Variants in C2 observed in about 807,000 individuals in gnomAD.
C2 encodes the protein complement C2.
C2 carries 64 observed loss-of-function variants against 85.2 expected under a neutral mutation model. That is an observed-to-expected ratio of 0.75 (90% CI 0.61 to 0.92). The LOEUF (loss-of-function observed/expected upper bound fraction) is 0.92, where lower values mean the gene tolerates loss of function less well. Among genes scored for constraint, C2 ranks in the 40% least tolerant of loss-of-function variants. The probability of loss-of-function intolerance (pLI) is 0.00; values close to 1 mark genes in which losing one functional copy is unlikely to be tolerated. For synonymous variants in C2, 311 were observed against 370.8 expected (o/e 0.84, Z 1.85); for missense variants, 820 against 971.6 (o/e 0.84, Z 2.07).
chr6:31,929,959 C>A (rs1256963646), intron 3 of C2, among the ~76,000 whole-genome samples: 1 of 151,382 alleles, frequency 6.6e-6, no homozygotes, highest in African/African-American at 2.4e-5. Context: ...TTGCAGTGAG[C>A]CGAGATCGTG....
chr6:31,911,930 C>CTTTTTTTT (rs70990289), intron 1 of C2, among the ~76,000 whole-genome samples: 1 of 122,944 alleles, frequency 8.1e-6, no homozygotes, highest in South Asian at 2.7e-4. Flanking sequence ...ATGTCTGGCC[C>CTTTTTTTT]TTTTTTTTTT....
At position 31,928,147 on chromosome 6, in the gene C2, C is replaced by T; in HGVS notation, c.239C>T (p.Ser80Phe). 3.1e-6 allele frequency: 5 copies of T among 1,610,138 alleles called. No individual in the cohort carries two copies. Among genetic ancestry groups the T allele is most frequent in the Non-Finnish European group, 4.2e-6 (5 of 1,179,622 alleles). ...ACCCCAGGAGCCACCCGGTCTCTGT[C>T]TAAGGCGGTCTGCAAACGTGAGGCT... is the stretch of plus-strand genomic sequence containing the variant. ...WQTPGATRSL[S>F]KAVCKPVRCP... The change falls in exon 2 of 18, where the codon TCT becomes TTT. Residue 80 changes from serine (S) to phenylalanine (F), a missense_variant. Ser to Phe is a radical substitution (Grantham distance 155). Coordinates refer to ENST00000299367, the MANE Select transcript of C2 (RefSeq NM_000063.6).
rs147553278 is a variant in C2, at chr6:31,945,275, G to A, written c.2177G>A (p.Arg726Gln). Reference sequence around the variant, plus strand: ...CCTCGTAGCAAGGTCCCGCCGCCACGAGACTTTCACATCAATCTCTTCCGC... The same window carrying A: ...CCTCGTAGCAAGGTCCCGCCGCCACAAGACTTTCACATCAATCTCTTCCGC... ...RAPRSKVPPPRDFHINLFRMQ... is the reference protein window; with the variant it reads ...RAPRSKVPPPQDFHINLFRMQ... The change falls in exon 18 of 18, where the codon CGA (arginine) becomes CAA (glutamine). Residue 726 changes from arginine to glutamine, a missense_variant. Physicochemically the swap from Arg to Gln is conservative, Grantham distance 43 (BLOSUM62 1). Transcript: ENST00000299367. The surrounding 1 kb of genome is among the most constrained non-coding windows in gnomAD (Gnocchi z 5.3). The A allele has an allele frequency of 5.0e-6, 8 of 1,612,888 alleles. No homozygotes were observed. The highest frequency in any genetic ancestry group is 6.8e-6 in the Non-Finnish European group (8 of 1,180,012).
upstream of C2, among the ~76,000 whole-genome samples, chr6:31,918,388 G>C (rs763698448): frequency 6.2e-4 from 95 of 152,178 alleles, no homozygotes; most frequent in Non-Finnish European, 1.1e-3. Context: ...GGAGTTTGAG[G>C]CCAGTCCGGG....
intron 9 of C2, chr6:31,941,681 T>A (rs954641372): frequency 1.3e-5 from 2 of 152,182 alleles, no homozygotes; most frequent in African/African-American, 4.8e-5. Flanking sequence ...TTTGTATTTT[T>A]AGTAGAGACA....
At chr6:31,913,934 G>A (rs1768302452) in intron 1 of C2, among the ~76,000 whole-genome samples, 1 of 127,556 alleles carries the variant, frequency 7.8e-6, no homozygotes, top group Non-Finnish European at 1.8e-5. Flanking sequence ...CACCGTGCCT[G>A]GCCCTTTTTT....
rs1244253756 is a variant in C2 at position 31,937,344 on chromosome 6, C to A, written c.1014C>A (p.Asn338Lys). The change falls in exon 8 of 18, where the codon AAC becomes AAA. Residue 338 changes from asparagine to lysine, a missense_variant. By Grantham distance (94) the Asn-to-Lys change is moderately conservative. Coordinates refer to ENST00000299367, the MANE Select transcript of C2 (RefSeq NM_000063.6). ...ATCATGAAAATGGAACTGGGACTAACACCTATGCGGCCTTAAACAGTGTCT... is the reference window on the plus strand; with the variant it reads ...ATCATGAAAATGGAACTGGGACTAAAACCTATGCGGCCTTAAACAGTGTCT... ...YKDHENGTGT[N>K]TYAALNSVYL... 2 of 1,612,826 alleles carry A rather than the reference C, an allele frequency of 1.2e-6. No individual in the cohort carries two copies. The highest frequency in any genetic ancestry group is 1.7e-5 in the Admixed American group (1 of 60,010).
At chr6:31,899,307 T>C (rs1379267038), upstream of C2, among the ~76,000 whole-genome samples, 1 of 128,186 alleles carries the variant, frequency 7.8e-6, no homozygotes, top group African/African-American at 2.9e-5. Flanking sequence ...CACTTCCCAA[T>C]ATCTACCCAG....
In C2 at chr6:31,944,522, C is replaced by A. The variant is rs1771187199; in HGVS notation, c.1903-205C>A. ...TCAGCCTCCCGAGTAGCTGAGATTA[C>A]AGGTGCCCACCACCACACCAGCTAA... On this transcript the variant is annotated intron_variant, in intron 15 of 17. Coordinates refer to ENST00000299367, the MANE Select transcript of C2 (RefSeq NM_000063.6). The surrounding 1 kb of genome is among the most constrained non-coding windows in gnomAD (Gnocchi z 5.1). Among the ~76,000 whole-genome samples, 1 of 152,186 alleles carries A rather than the reference C, an allele frequency of 6.6e-6. No individual in the cohort carries two copies. Among genetic ancestry groups the A allele is most frequent in the African/African-American group, 2.4e-5 (1 of 41,454 alleles).
chr6:31,928,238 C>A, intron 2 of C2, 74 bp downstream of exon 2: 1 of 1,394,188 alleles, frequency 7.2e-7, no homozygotes, highest in Non-Finnish European at 9.9e-7. Flanking sequence ...AGGAGTTGCT[C>A]AGGGTGGGAC....
rs147186833 is a variant in C2 at position 31,933,781 on chromosome 6, G to A, written c.614G>A (p.Arg205His). 229 of 1,613,764 alleles carry A rather than the reference G, an allele frequency of 1.4e-4. No individual in the cohort carries two copies. Among genetic ancestry groups the A allele is most frequent in the African/African-American group, 1.2e-3 (88 of 75,060 alleles). The change falls in exon 4 of 18, where the codon CGC becomes CAC. Residue 205 changes from arginine to histidine, a missense_variant and splice_region_variant. Transcript: ENST00000299367. ...GVWSGTEPICRQPYSYDFPED... is the reference protein window; with the variant it reads ...GVWSGTEPICHQPYSYDFPED... ...TGGAGTGGAACGGAGCCCATCTGCC[G>A]CCGTGAGTAGCTGCCCTGCCCTCCT...
At chr6:31,916,035 ACT>A (rs1181050670), upstream of C2, among the ~76,000 whole-genome samples, 1 of 152,194 alleles carries the variant, frequency 6.6e-6, no homozygotes, top group Non-Finnish European at 1.5e-5. Context: ...ATGGATTATA[ACT>A]CTGTGTTAAT....
At chr6:31,926,251 C>T (rs1019835878), upstream of C2, among the ~76,000 whole-genome samples, 1 of 151,992 alleles carries the variant, frequency 6.6e-6, no homozygotes, top group African/African-American at 2.4e-5. Flanking sequence ...TCTGCCACAG[C>T]AGCCACTTTG....
Position 31,939,467 on chromosome 6 carries a change from G to A in C2, c.1219+147G>A, listed in dbSNP as rs1199091562. ...CTGTACAAAGGCAACTCATGTTGAA[G>A]AGCCTGGGGTCAAACTACTGCCCAT... is the stretch of plus-strand genomic sequence containing the variant. On this transcript the variant is annotated intron_variant, in intron 9 of 17. Coordinates refer to ENST00000299367, the MANE Select transcript of C2 (RefSeq NM_000063.6). The A allele has an allele frequency of 7.7e-6, 5 of 648,512 alleles. No individual in the cohort carries two copies. In the African/African-American group the frequency reaches 9.1e-5, roughly 12 times the overall value. 40.2% of individuals were successfully genotyped at this position (648,512 alleles called of 1,614,324 possible). A position where few individuals can be genotyped will look rare whatever the true frequency, so the allele number is the denominator to read the frequency against.
In C2 at chr6:31,922,431, T is replaced by A. The variant is rs570189080; in HGVS notation, c.-100+2405T>A. Among the ~76,000 whole-genome samples, 1 of 152,062 alleles carries A rather than the reference T, an allele frequency of 6.6e-6. No individual in the cohort carries two copies. The highest frequency in any genetic ancestry group is 1.9e-4 in the East Asian group (1 of 5,176). ...GAGTAGACTGGCCACTAGAGTGGGG[T>A]CGGCCTCTGCTATATGCCACGTTTC... On this transcript the variant is annotated intron_variant, in intron 1 of 3. Transcript: ENST00000413154. The surrounding 1 kb of genome is among the most constrained non-coding windows in gnomAD (Gnocchi z 4.8).
upstream of C2, chr6:31,899,878 T>C (rs1199729727): frequency 7.3e-6 from 11 of 1,508,292 alleles, no homozygotes; most frequent in Non-Finnish European, 9.7e-6. Context: ...GAGCCCTTTT[T>C]CCACGCAGCC....
chr6:31,913,255 A>G (rs1768246448), intron 1 of C2, among the ~76,000 whole-genome samples: 1 of 151,824 alleles, frequency 6.6e-6, no homozygotes. Context: ...TAGTCTGGAT[A>G]CTTCAGTGAG....
At chr6:31,901,602 AG>A (rs1295406096) in intron 1 of C2, among the ~76,000 whole-genome samples, 1 of 151,438 alleles carries the variant, frequency 6.6e-6, no homozygotes, top group African/African-American at 2.4e-5. Context: ...ACGGAGAAAA[AG>A]GGGGGCCAGA....
chr6:31,928,138 G>A lies in C2; in HGVS notation c.230G>A (p.Arg77Gln), dbSNP rs779595202. The change falls in exon 2 of 18, where the codon CGG becomes CAG. Residue 77 changes from arginine to glutamine, a missense_variant. Arg to Gln is a conservative substitution (Grantham distance 43). Transcript: ENST00000299367. ...SGQWQTPGAT[R>Q]SLSKAVCKPV... The stretch of plus-strand genomic sequence containing the variant: ...CAGTGGCAGACCCCAGGAGCCACCC[G>A]GTCTCTGTCTAAGGCGGTCTGCAAA... 5.0e-6 allele frequency: 8 copies of A among 1,611,838 alleles called. No homozygotes were observed. Among genetic ancestry groups the A allele is most frequent in the African/African-American group, 1.3e-5 (1 of 74,894 alleles).
Sources: gnomAD v4.1 joint callset for allele counts (sites outside exome capture counted in the v4.1 genomes callset) on GRCh38, gnomAD v4.1.1 for gene constraint, Gnocchi (gnomAD v3.1) non-coding constraint, MANE v1.5 for transcripts, NCBI Gene and HGNC (gene_info 2026-07-23, HGNC 2026-07-21) for gene names.